KCTD19: variants seen among roughly 807,000 people sequenced by gnomAD.
KCTD19 encodes the protein potassium channel tetramerization domain containing 19, also known as BTB/POZ domain-containing protein KCTD19.
In KCTD19, 67 loss-of-function variants were observed where a neutral mutation model predicts 103.5. That is an observed-to-expected ratio of 0.65 (90% CI 0.53 to 0.79). The LOEUF (loss-of-function observed/expected upper bound fraction) is 0.79, where lower values mean the gene tolerates loss of function less well. Among genes scored for constraint, KCTD19 ranks in the 30% least tolerant of loss-of-function variants. The pLI, the probability that KCTD19 is intolerant of heterozygous loss-of-function variation, is 0.00. For missense variants in KCTD19, 980 were observed against 1,136.1 expected (o/e 0.86, Z 1.98); for synonymous variants, 439 against 452.2 (o/e 0.97, Z 0.37).
Position 67,303,045 on chromosome 16 carries a change from G to A in KCTD19, c.643+101C>T. Reference sequence around the variant, plus strand: ...TACCTCTGCCCAGGGAAGCTCCTGAGGCCCTGAGCACCAAGCTGGGCCTCT... The same window carrying A: ...TACCTCTGCCCAGGGAAGCTCCTGAAGCCCTGAGCACCAAGCTGGGCCTCT... On this transcript the variant is annotated intron_variant, in intron 4 of 15. Transcript: ENST00000304372. The surrounding 1 kb of genome is among the most constrained non-coding windows in gnomAD (Gnocchi z 4.3). 1.7e-6 allele frequency: 2 copies of A among 1,173,484 alleles called. No homozygotes were observed. Among genetic ancestry groups the A allele is most frequent in the East Asian group, 4.9e-5 (2 of 40,554 alleles). The allele number at this position is 1,173,484 out of a possible 1,614,324, so 72.7% of individuals were successfully genotyped here. A position where few individuals can be genotyped will look rare whatever the true frequency, so the allele number is the denominator to read the frequency against.
chr16:67,324,079 T>A (rs1350570240), intron 1 of KCTD19, among the ~76,000 whole-genome samples: 1 of 152,158 alleles, frequency 6.6e-6, no homozygotes, highest in African/African-American at 2.4e-5. Context: ...CATCTGTATA[T>A]CTGTTGGACA....
Position 67,303,463 on chromosome 16 carries a change from C to T in KCTD19, c.452-126G>A, listed in dbSNP as rs971700102. 7.8e-6 allele frequency: 5 copies of T among 644,912 alleles called. No individual in the cohort carries two copies. The highest frequency in any genetic ancestry group is 1.3e-5 in the Non-Finnish European group (5 of 382,946). 39.9% of individuals were successfully genotyped at this position (644,912 alleles called of 1,614,324 possible). ...AGACCCCCCAGGATATGGTCCTTGC[C>T]ACTTGCCAGACACATCTTCCTTCTT... is the stretch of plus-strand genomic sequence containing the variant. On this transcript the variant is annotated intron_variant, in intron 3 of 15. Coordinates refer to ENST00000304372, the MANE Select transcript of KCTD19 (RefSeq NM_001100915.3). The surrounding 1 kb of genome is among the most constrained non-coding windows in gnomAD (Gnocchi z 4.3).
intron 2 of KCTD19, among the ~76,000 whole-genome samples, chr16:67,310,767 C>G (rs1465836328): frequency 6.6e-6 from 1 of 152,188 alleles, no homozygotes; most frequent in Non-Finnish European, 1.5e-5. Context: ...CAGCAGTTCT[C>G]AGAGATGCCT....
At chr16:67,309,138 A>AG (rs925115037) in intron 2 of KCTD19, among the ~76,000 whole-genome samples, 3 of 151,872 alleles carry the variant, frequency 2.0e-5, no homozygotes, top group Non-Finnish European at 4.4e-5. Context: ...CAAAAAAAAA[A>AG]AAAAAAGAAA....
rs1372278184 is a variant in KCTD19 at position 67,323,455 on chromosome 16, T to G, written c.4-2570A>C. The stretch of plus-strand genomic sequence containing the variant: ...GGAGATTCACTTGAGCCCAGGAGTT[T>G]GAGGCTGCAGTGAGCTGTGATCGTG... On this transcript the variant is annotated intron_variant, in intron 1 of 15. Coordinates refer to ENST00000304372, the MANE Select transcript of KCTD19 (RefSeq NM_001100915.3). The surrounding 1 kb of genome is among the most constrained non-coding windows in gnomAD (Gnocchi z 4.1). 6.6e-6 allele frequency among the ~76,000 whole-genome samples: 1 copy of G among 152,096 alleles called. No individual in the cohort carries two copies. Among genetic ancestry groups the G allele is most frequent in the East Asian group, 1.9e-4 (1 of 5,192 alleles).
chr16:67,305,461 C>G (rs1170421449), intron 2 of KCTD19: 1 of 331,278 alleles, frequency 3.0e-6, no homozygotes, highest in Non-Finnish European at 6.0e-6. Context: ...CCCGCCCAAG[C>G]AGTCTTCCAA....
At position 67,320,432 on chromosome 16, in the gene KCTD19, CT is replaced by C. The variant is rs1227695904; in HGVS notation, c.300+156del. On this transcript the variant is annotated intron_variant, in intron 2 of 15. Transcript: ENST00000304372. This position sits in a 1 kb window ranked among gnomAD's most constrained non-coding sequence, Gnocchi z 4.0. The stretch of plus-strand genomic sequence containing the variant: ...ACTTTTTTTTCCTTTTTACTCACCC[CT>C]ATACTAATGAGGAAATTATTTATTA... 6.6e-6 allele frequency among the ~76,000 whole-genome samples: 1 copy of C among 152,084 alleles called. No homozygotes were observed. Among genetic ancestry groups the C allele is most frequent in the Admixed American group, 6.5e-5 (1 of 15,268 alleles).
chr16:67,313,565 T>C (rs543115240), intron 2 of KCTD19, among the ~76,000 whole-genome samples: 1 of 152,258 alleles, frequency 6.6e-6, no homozygotes, highest in African/African-American at 2.4e-5. Flanking sequence ...AGATTCTTGA[T>C]CTAAGGTTAA....
intron 1 of KCTD19, 150 bp from the exon 2 acceptor site, chr16:67,321,035 A>G: frequency 1.3e-6 from 1 of 761,588 alleles, no homozygotes; most frequent in South Asian, 1.9e-5. Context: ...ACTATTAGAA[A>G]TAAGTCCAGG....
chr16:67,293,883 G>T lies in KCTD19; in HGVS notation c.1879C>A (p.Pro627Thr). ...AGTTTTTGCATGGGAGTGGCGGGAG[G>T]GTCTTTGGTTTCAGATTTCTGTGTG... is the stretch of plus-strand genomic sequence containing the variant. The part of the protein sequence containing the change: ...NLTQKSETKD[P>T]PATPMQKLIS... Residue 627 changes from proline to threonine, a missense_variant, in exon 12 of 16, where the codon CCT becomes ACT. By Grantham distance (38) the Pro-to-Thr change is conservative. Coordinates refer to ENST00000304372, the MANE Select transcript of KCTD19 (RefSeq NM_001100915.3). This position sits in a 1 kb window ranked among gnomAD's most constrained non-coding sequence, Gnocchi z 4.0. 1 of 1,613,488 alleles carries T rather than the reference G, an allele frequency of 6.2e-7. No individual in the cohort carries two copies. Among genetic ancestry groups the T allele is most frequent in the Non-Finnish European group, 8.5e-7 (1 of 1,180,012 alleles).
intron 6 of KCTD19, among the ~76,000 whole-genome samples, chr16:67,298,801 C>T (rs1424966673): frequency 1.3e-5 from 2 of 152,244 alleles, no homozygotes; most frequent in Non-Finnish European, 2.9e-5. Flanking sequence ...CTGTTCTGCA[C>T]CTCAGTTTGC....
chr16:67,319,091 C>T (rs1009482941), intron 2 of KCTD19, among the ~76,000 whole-genome samples: 4 of 151,896 alleles, frequency 2.6e-5, no homozygotes, highest in African/African-American at 7.3e-5. Context: ...GGAGTGGTGG[C>T]GGGTGCTTGT....
chr16:67,306,810 G>A (rs975113028), intron 2 of KCTD19, among the ~76,000 whole-genome samples: 1 of 152,164 alleles, frequency 6.6e-6, no homozygotes, highest in Admixed American at 6.5e-5. Flanking sequence ...CAGCATATCT[G>A]GGGTAAATTC....
chr16:67,311,728 T>C (rs962800946), intron 2 of KCTD19, among the ~76,000 whole-genome samples: 1 of 152,068 alleles, frequency 6.6e-6, no homozygotes, highest in African/African-American at 2.4e-5. Context: ...CCTGTGTGTG[T>C]GTGTGTGCAT....
chr16:67,295,865 C>A (rs540464115), intron 8 of KCTD19: 2 of 392,140 alleles, frequency 5.1e-6, no homozygotes, highest in South Asian at 5.5e-5. Context: ...GTGCTTCAGC[C>A]TCCCAAGTAT....
At chr16:67,317,886 T>G (rs1284602520) in intron 2 of KCTD19, among the ~76,000 whole-genome samples, 1 of 152,126 alleles carries the variant, frequency 6.6e-6, no homozygotes, top group Non-Finnish European at 1.5e-5. Context: ...GCTGCCTGAG[T>G]AGAGTCTAAA....
chr16:67,302,824 G>C, intron 4 of KCTD19: 1 of 347,602 alleles, frequency 2.9e-6, no homozygotes, highest in East Asian at 7.5e-5. Flanking sequence ...GGCAGAGTAA[G>C]AAGAGAAGCC....
intron 3 of KCTD19, 143 bp downstream of exon 3, chr16:67,304,278 C>G: frequency 1.3e-6 from 1 of 790,826 alleles, no homozygotes; most frequent in Non-Finnish European, 2.1e-6. Flanking sequence ...GGGCCTGTGG[C>G]AGGGCAGAAG....
At chr16:67,292,425 C>G (rs966941110) in intron 12 of KCTD19, among the ~76,000 whole-genome samples, 1 of 152,198 alleles carries the variant, frequency 6.6e-6, no homozygotes, top group African/African-American at 2.4e-5. Flanking sequence ...CGAAGAAACT[C>G]CAGATTCCTC....
Sources: allele counts gnomAD v4.1 joint callset (sites outside exome capture counted in the v4.1 genomes callset), GRCh38; gene constraint gnomAD v4.1.1; non-coding constraint Gnocchi (gnomAD v3.1); transcripts MANE v1.5; gene names NCBI Gene and HGNC (gene_info 2026-07-23, HGNC 2026-07-21).